The following AFF2 variants were observed in gnomAD, a reference collection of about 807,000 sequenced individuals.
AFF2 encodes ALF transcription elongation factor 2.
AFF2 carries 14 observed loss-of-function variants against 76.9 expected under a neutral mutation model. That is an observed-to-expected ratio of 0.18 (90% CI 0.12 to 0.28). The LOEUF is 0.28. AFF2 is among the 10% of genes least tolerant of loss of function. The pLI is 1.00. For synonymous variants in AFF2, 398 were observed against 366.7 expected, an observed-to-expected ratio of 1.09 and a Z score of -0.98; for missense variants, 868 against 1,001.1, an observed-to-expected ratio of 0.87 and a Z score of 1.79.
At chrX:148,945,714 C>A (rs781794678) in intron 9 of AFF2, among the ~76,000 whole-genome samples, 1 of 112,209 alleles carries the variant, frequency 8.9e-6, no homozygotes, top group Non-Finnish European at 1.9e-5. Context: ...ATCCAGCCCT[C>A]TTAAAAACCT....
At chrX:148,787,846 C>T (rs2069841851) in intron 3 of AFF2, among the ~76,000 whole-genome samples, 2 of 112,108 alleles carry the variant, frequency 1.8e-5, no homozygotes, top group African/African-American at 6.5e-5. Flanking sequence ...GATGTTGAAT[C>T]TGTAATCACT....
At chrX:148,708,991 C>A (rs1490572412) in intron 3 of AFF2, among the ~76,000 whole-genome samples, 1 of 111,428 alleles carries the variant, frequency 9.0e-6, no homozygotes, top group Non-Finnish European at 1.9e-5. Flanking sequence ...TGTACTTTAA[C>A]CTGACGGAAT....
intron 3 of AFF2, among the ~76,000 whole-genome samples, chrX:148,688,706 A>T (rs2054622582): frequency 9.0e-6 from 1 of 111,503 alleles, no homozygotes; most frequent in Non-Finnish European, 1.9e-5. Context: ...TTTGTGAAAT[A>T]TGATGGAGTG....
intron 1 of AFF2, among the ~76,000 whole-genome samples, chrX:148,568,569 C>T (rs1430372497): frequency 1.8e-5 from 2 of 111,863 alleles, no homozygotes; most frequent in African/African-American, 6.5e-5. Context: ...TTTGCTTCAA[C>T]CTGACATGCC....
chrX:148,873,190 G>A (rs1398882328), intron 7 of AFF2, among the ~76,000 whole-genome samples: 1 of 111,177 alleles, frequency 9.0e-6, no homozygotes, highest in Non-Finnish European at 1.9e-5. Flanking sequence ...AAGTCAGGGA[G>A]GAGGAGAAGA....
intron 1 of AFF2, among the ~76,000 whole-genome samples, chrX:148,516,347 C>T (rs2052534079): frequency 9.0e-6 from 1 of 111,631 alleles, no homozygotes; most frequent in African/African-American, 3.3e-5. Context: ...AGATATTCAA[C>T]ATCCTTTTCC....
At chrX:148,583,712 G>A (rs1374780205) in intron 1 of AFF2, among the ~76,000 whole-genome samples, 1 of 111,653 alleles carries the variant, frequency 9.0e-6, no homozygotes, top group Non-Finnish European at 1.9e-5. Context: ...ATTTCCATCT[G>A]ACATAACAGG....
chrX:148,690,852 G>C (rs1226564960), intron 3 of AFF2, among the ~76,000 whole-genome samples: 1 of 111,558 alleles, frequency 9.0e-6, no homozygotes, highest in Non-Finnish European at 1.9e-5. Context: ...TAAAATAAAG[G>C]TGTCAGCAGG....
intron 9 of AFF2, among the ~76,000 whole-genome samples, chrX:148,939,416 T>G (rs1309923988): frequency 8.9e-6 from 1 of 112,066 alleles, no homozygotes; most frequent in African/African-American, 3.2e-5. Context: ...TTATATATTC[T>G]TATTTTAACA....
chrX:148,763,961 C>T (rs1186244928), intron 3 of AFF2, among the ~76,000 whole-genome samples: 2 of 112,214 alleles, frequency 1.8e-5, no homozygotes, highest in Non-Finnish European at 3.8e-5. Flanking sequence ...GACTTCATTT[C>T]AGAAAAGTTC....
chrX:148,576,793 A>ATGTGTATG (rs112067766), intron 1 of AFF2, among the ~76,000 whole-genome samples: 1 of 103,448 alleles, frequency 9.7e-6, no homozygotes, highest in Non-Finnish European at 2.0e-5. Context: ...GTGTGTGTGT[A>ATGTGTATG]TGTGTGTGTG....
At chrX:148,732,251 A>C (rs1236163479) in intron 3 of AFF2, among the ~76,000 whole-genome samples, 3 of 95,290 alleles carry the variant, frequency 3.1e-5, no homozygotes, top group African/African-American at 1.2e-4. Flanking sequence ...GCCATAAAAA[A>C]TGATGAGTTC....
chrX:148,983,953 C>CCAAAAAAAAAAAAAAAA (rs2072427363), intron 19 of AFF2, among the ~76,000 whole-genome samples: 2 of 29,124 alleles, frequency 6.9e-5, no homozygotes, highest in African/African-American at 1.2e-4. Flanking sequence ...GTGAAATAGA[C>CCAAAAAAAAAAAAAAAA]AAAAAAAAAA....
Position 148,967,027 on chromosome X carries a change from C to T in AFF2, c.3151C>T (p.Leu1051=), listed in dbSNP as rs921973498. The T allele has an allele frequency of 4.2e-5, 51 of 1,209,628 alleles. No homozygotes were observed. The highest frequency in any genetic ancestry group is 5.7e-5 in the Non-Finnish European group (51 of 895,228). The change falls in exon 14 of 21, where the codon CTA becomes TTA. Residue 1051 remains leucine (L), a synonymous_variant. Transcript: ENST00000370460. The part of the protein sequence containing the change: ...EMTSWAALPL[L]SSSSTNVRRP... ...GACGTCCTGGGCGGCTCTGCCCCTTCTATCCAGCAGCAGCACTAATGTCCG... is the reference window on the plus strand; with the variant it reads ...GACGTCCTGGGCGGCTCTGCCCCTTTTATCCAGCAGCAGCACTAATGTCCG...
chrX:148,771,799 A>G (rs2069590960), intron 3 of AFF2, among the ~76,000 whole-genome samples: 1 of 112,076 alleles, frequency 8.9e-6, no homozygotes, highest in Admixed American at 9.5e-5. Context: ...CTGATTTAAT[A>G]CAGCCTGATC....
intron 16 of AFF2, among the ~76,000 whole-genome samples, chrX:148,974,816 G>A (rs1456115844): frequency 9.0e-6 from 1 of 111,457 alleles, no homozygotes; most frequent in Non-Finnish European, 1.9e-5. Flanking sequence ...TTTATATACT[G>A]TGAAAAGCAC....
At chrX:148,736,401 G>A (rs111822236) in intron 3 of AFF2, among the ~76,000 whole-genome samples, 1 of 111,354 alleles carries the variant, frequency 9.0e-6, no homozygotes, top group African/African-American at 3.3e-5. Context: ...ATGTTTGTTG[G>A]TCATTTGTAT....
At chrX:148,517,843 C>T (rs972729506) in intron 1 of AFF2, among the ~76,000 whole-genome samples, 2 of 96,998 alleles carry the variant, frequency 2.1e-5, no homozygotes, top group African/African-American at 3.7e-5. Context: ...CGGTGAAACC[C>T]CGTTTCTACT....
At chrX:148,501,287 C>G (rs967497243) in intron 1 of AFF2, 143 bp downstream of exon 1, 61 of 774,710 alleles carry the variant, frequency 7.9e-5, no homozygotes, top group Non-Finnish European at 1.0e-4. Context: ...CCTCTGGCCC[C>G]GGCCGCGCTG....
Sources: gnomAD v4.1 joint callset for allele counts (sites outside exome capture counted in the v4.1 genomes callset) on GRCh38, gnomAD v4.1.1 for gene constraint, MANE v1.5 for transcripts, NCBI Gene and HGNC (gene_info 2026-07-23, HGNC 2026-07-21) for gene names.